The following ATP2B1 variants were observed in gnomAD, a reference collection of about 807,000 sequenced individuals.
The protein encoded by ATP2B1 is plasma membrane calcium-transporting ATPase 1.
In ATP2B1, 14 loss-of-function variants were observed where a neutral mutation model predicts 124.2. The observed-to-expected ratio is 0.11, with a 90% CI of 0.07 to 0.18. ATP2B1 has a LOEUF of 0.18. ATP2B1 is among the 10% of genes least tolerant of loss of function. The pLI is 1.00. For missense variants in ATP2B1, 763 were observed against 1,466.1 expected (o/e 0.52, Z 7.83); for synonymous variants, 449 against 492.4 (o/e 0.91, Z 1.17).
Position 89,591,104 on chromosome 12 carries a change from G to T in ATP2B1, c.3543C>A (p.Pro1181=). The change falls in exon 21 of 21, where the codon CCC becomes CCA. Residue 1181 remains proline (P), a synonymous_variant. Transcript: ENST00000428670. The part of the protein sequence containing the change: ...APTKRNSSPP[P]SPNKNNNAVD... ...CAGCATTGTTATTTTTGTTGGGAGA[G>T]GGTGGAGGACTGGAGTTACGTTTTG... is the stretch of plus-strand genomic sequence containing the variant. The T allele has an allele frequency of 6.2e-7, 1 of 1,613,246 alleles. No homozygotes were observed. The highest frequency in any genetic ancestry group is 1.1e-5 in the South Asian group (1 of 91,078).
intron 15 of ATP2B1, among the ~76,000 whole-genome samples, chr12:89,606,007 A>G (rs1320363613): frequency 6.6e-6 from 1 of 152,236 alleles, no homozygotes; most frequent in East Asian, 1.9e-4. Flanking sequence ...CAAGTAAAAG[A>G]CAACAAATTA....
At chr12:89,695,008 T>C (rs1249478385) in intron 1 of ATP2B1, among the ~76,000 whole-genome samples, 1 of 140,180 alleles carries the variant, frequency 7.1e-6, no homozygotes, top group Non-Finnish European at 1.5e-5. Context: ...CAGTGAGCCA[T>C]GATCGTGCCA....
At chr12:89,634,000 T>C (rs1282311743) in intron 5 of ATP2B1, among the ~76,000 whole-genome samples, 2 of 152,162 alleles carry the variant, frequency 1.3e-5, no homozygotes, top group Non-Finnish European at 2.9e-5. Flanking sequence ...TACTATAGCT[T>C]TCTCTCATTC....
At chr12:89,686,701 T>C (rs1890010807) in intron 1 of ATP2B1, among the ~76,000 whole-genome samples, 1 of 152,140 alleles carries the variant, frequency 6.6e-6, no homozygotes, top group South Asian at 2.1e-4. Context: ...TGTTTCACTA[T>C]GCCTACATCG....
rs952157621 is a variant in ATP2B1, at chr12:89,611,454, T to C, written c.2068-82A>G. The C allele has an allele frequency of 2.7e-6, 3 of 1,122,606 alleles. No individual in the cohort carries two copies. The African/African-American group carries it at 4.8e-5, about 18-fold the overall frequency. The allele number at this position is 1,122,606 out of a possible 1,614,324, so 69.5% of individuals were successfully genotyped here. On this transcript the variant is annotated intron_variant, in intron 12 of 20. Coordinates refer to ENST00000428670, the MANE Select transcript of ATP2B1 (RefSeq NM_001366521.1). ...AATATTTCACTGCACACGACTGCATTAATTTATAGTCCCCCAAATGATGAC... is the reference window on the plus strand; with the variant it reads ...AATATTTCACTGCACACGACTGCATCAATTTATAGTCCCCCAAATGATGAC...
chr12:89,613,004 G>A (rs1391773141), intron 12 of ATP2B1, among the ~76,000 whole-genome samples: 1 of 151,404 alleles, frequency 6.6e-6, no homozygotes, highest in Non-Finnish European at 1.5e-5. Flanking sequence ...TTTTTAAGAT[G>A]GGTCTCACTC....
intron 3 of ATP2B1, among the ~76,000 whole-genome samples, chr12:89,639,217 T>C (rs1248323926): frequency 6.6e-6 from 1 of 152,088 alleles, no homozygotes; most frequent in Non-Finnish European, 1.5e-5. Flanking sequence ...TTTTAAAAAA[T>C]GCAAGGCTGG....
intron 15 of ATP2B1, among the ~76,000 whole-genome samples, chr12:89,608,344 G>GT (rs1297309205): frequency 1.5e-4 from 23 of 150,906 alleles, no homozygotes; most frequent in African/African-American, 3.4e-4. Flanking sequence ...ATTTTTGTAT[G>GT]TTTTTTTTTA....
intron 19 of ATP2B1, 36 bp from the exon 20 acceptor site, chr12:89,599,335 T>C: frequency 6.2e-7 from 1 of 1,600,800 alleles, no homozygotes; most frequent in Non-Finnish European, 8.5e-7. Context: ...AAATAAATCA[T>C]ATCAAGTAAA....
At position 89,635,037 on chromosome 12, in the gene ATP2B1, T is replaced by C. The variant is rs750226575; in HGVS notation, c.621A>G (p.Val207=). 1.2e-6 allele frequency: 2 copies of C among 1,614,028 alleles called. No individual in the cohort carries two copies. The highest frequency in any genetic ancestry group is 1.7e-6 in the Non-Finnish European group (2 of 1,179,896). ...CAATATCTCCAACAGTAATGTCAGCTACAGGTATCTGAATGACCTGACCAC... is the reference window on the plus strand; with the variant it reads ...CAATATCTCCAACAGTAATGTCAGCCACAGGTATCTGAATGACCTGACCAC... ...IRGGQVIQIP[V]ADITVGDIAQ... is the part of the protein sequence containing the mutation. Residue 207 remains valine (V), a synonymous_variant, in exon 4 of 21, where the codon GTA becomes GTG. Coordinates refer to ENST00000428670, the MANE Select transcript of ATP2B1 (RefSeq NM_001366521.1).
intron 1 of ATP2B1, among the ~76,000 whole-genome samples, chr12:89,657,378 G>C (rs150718261): frequency 1.3e-5 from 2 of 152,084 alleles, no homozygotes; most frequent in African/African-American, 4.8e-5. Flanking sequence ...TTTTGAAATA[G>C]GCATCATGCC....
At chr12:89,662,303 C>T (rs1266755275) in intron 1 of ATP2B1, among the ~76,000 whole-genome samples, 1 of 152,106 alleles carries the variant, frequency 6.6e-6, no homozygotes, top group African/African-American at 2.4e-5. Context: ...TGATAATTTA[C>T]TGTAAACTTA....
In ATP2B1 at chr12:89,642,145, C is replaced by CT. The variant is rs774203559; in HGVS notation, c.406+12_406+13insA. On this transcript the variant is annotated intron_variant, in intron 3 of 20. Coordinates refer to ENST00000428670, the MANE Select transcript of ATP2B1 (RefSeq NM_001366521.1). ...TAGCATCAGACATGTCTTTTTTCCC[C>CT]CCATTTACTTACGTGCATTATCCCC... 1.3e-6 allele frequency: 2 copies of CT among 1,597,446 alleles called. No homozygotes were observed. The highest frequency in any genetic ancestry group is 2.7e-5 in the African/African-American group (2 of 74,082).
chr12:89,641,289 A>G (rs1045032338), intron 3 of ATP2B1, among the ~76,000 whole-genome samples: 3 of 152,218 alleles, frequency 2.0e-5, no homozygotes, highest in Non-Finnish European at 4.4e-5. Context: ...CACAAGTTAA[A>G]GCAAATCTAC....
intron 1 of ATP2B1, among the ~76,000 whole-genome samples, chr12:89,664,658 G>A (rs539131405): frequency 6.6e-6 from 1 of 152,194 alleles, no homozygotes; most frequent in African/African-American, 2.4e-5. Context: ...TCAGTTGATC[G>A]AACACTTCAT....
At chr12:89,674,108 T>A (rs940203009) in intron 1 of ATP2B1, among the ~76,000 whole-genome samples, 1 of 152,166 alleles carries the variant, frequency 6.6e-6, no homozygotes, top group Non-Finnish European at 1.5e-5. Context: ...ATGGTAGGTG[T>A]TGGGGACACA....
At chr12:89,680,992 A>T (rs1889280957) in intron 1 of ATP2B1, among the ~76,000 whole-genome samples, 1 of 152,208 alleles carries the variant, frequency 6.6e-6, no homozygotes, top group Non-Finnish European at 1.5e-5. Flanking sequence ...TTTCGAATGT[A>T]CAAGAACTCA....
chr12:89,646,728 AAT>A (rs1476661432), intron 2 of ATP2B1, among the ~76,000 whole-genome samples: 2 of 152,210 alleles, frequency 1.3e-5, no homozygotes, highest in East Asian at 3.8e-4. Context: ...GGACAGTGGG[AAT>A]GAGCAAGTGG....
chr12:89,651,341 T>C (rs1885223980), intron 2 of ATP2B1, among the ~76,000 whole-genome samples: 1 of 152,136 alleles, frequency 6.6e-6, no homozygotes, highest in Non-Finnish European at 1.5e-5. Context: ...CTGCCAGCCT[T>C]GACTCAGGCG....
Sources: allele counts gnomAD v4.1 joint callset (sites outside exome capture counted in the v4.1 genomes callset), GRCh38; gene constraint gnomAD v4.1.1; transcripts MANE v1.5; gene names NCBI Gene and HGNC (gene_info 2026-07-23, HGNC 2026-07-21).